The following MAGI1 variants were observed in gnomAD, a reference collection of about 807,000 sequenced individuals.
MAGI1 encodes membrane associated guanylate kinase, WW and PDZ domain containing 1.
A neutral mutation model predicts 139.9 loss-of-function variants in MAGI1; 58 were observed. That is an observed-to-expected ratio of 0.41 (90% confidence interval 0.34 to 0.52). MAGI1 has a LOEUF of 0.52. Ranked by LOEUF, MAGI1 falls within the 20% of genes least tolerant of loss-of-function variation. The pLI is 0.12. For missense variants in MAGI1, 1,874 were observed against 1,901.6 expected, an observed-to-expected ratio of 0.99 and a Z score of 0.27; for synonymous variants, 812 against 737.9, an observed-to-expected ratio of 1.10 and a Z score of -1.63.
At chr3:65,800,400 C>A (rs181715268) in intron 1 of MAGI1, among the ~76,000 whole-genome samples, 5 of 152,222 alleles carry the variant, frequency 3.3e-5, no homozygotes, top group East Asian at 1.9e-4. Flanking sequence ...TGAAGAGTAT[C>A]TTTTAGTAAT....
At chr3:65,455,165 A>G (rs1949309506) in intron 5 of MAGI1, among the ~76,000 whole-genome samples, 1 of 152,172 alleles carries the variant, frequency 6.6e-6, no homozygotes, top group Non-Finnish European at 1.5e-5. Flanking sequence ...AAAAGAAAGA[A>G]GAGAGATCCC....
chr3:66,012,631 T>C (rs1410261236), intron 1 of MAGI1, among the ~76,000 whole-genome samples: 1 of 151,808 alleles, frequency 6.6e-6, no homozygotes, highest in African/African-American at 2.4e-5. Flanking sequence ...CTGGGTATGG[T>C]GGTACACATC....
At chr3:65,546,038 T>A (rs2107934693) in intron 2 of MAGI1, among the ~76,000 whole-genome samples, 1 of 151,526 alleles carries the variant, frequency 6.6e-6, no homozygotes, top group Non-Finnish European at 1.5e-5. Context: ...AAAATAAATC[T>A]CCCTCTGTCC....
intron 1 of MAGI1, among the ~76,000 whole-genome samples, chr3:66,037,259 G>A (rs1191623575): frequency 6.6e-6 from 1 of 152,156 alleles, no homozygotes; most frequent in East Asian, 1.9e-4. Context: ...ACACAGAGCC[G>A]GGCATGTAGT....
intron 2 of MAGI1, among the ~76,000 whole-genome samples, chr3:65,505,165 T>A (rs1160458972): frequency 6.6e-6 from 1 of 152,158 alleles, no homozygotes; most frequent in Admixed American, 6.5e-5. Context: ...CAGGTAATAA[T>A]ACTTTCACTT....
chr3:65,674,420 C>T (rs1231495454), intron 1 of MAGI1, among the ~76,000 whole-genome samples: 2 of 152,134 alleles, frequency 1.3e-5, no homozygotes, highest in Non-Finnish European at 1.5e-5. Flanking sequence ...TTCCCAAGCC[C>T]ATGAGGTGCC....
intron 1 of MAGI1, among the ~76,000 whole-genome samples, chr3:65,624,385 A>C (rs539036973): frequency 2.0e-5 from 3 of 152,330 alleles, no homozygotes; most frequent in Non-Finnish European, 4.4e-5. Context: ...GTCCATCGAA[A>C]GGTGAATGAA....
chr3:65,366,380 T>C (rs903323539), intron 18 of MAGI1, among the ~76,000 whole-genome samples: 10 of 152,188 alleles, frequency 6.6e-5, no homozygotes, highest in African/African-American at 2.2e-4. Flanking sequence ...AATAACTAAA[T>C]CAAGTGAATT....
In MAGI1 at chr3:65,479,504, T is replaced by C. The variant is rs188437406; in HGVS notation, c.551-706A>G. ...GTGCTATGTGACTCTCACTTGTACA[T>C]AAATAGATTTTTACATTTTAATTTT... is the stretch of plus-strand genomic sequence containing the variant. On this transcript the variant is annotated intron_variant, in intron 3 of 22. Coordinates refer to ENST00000402939, the MANE Select transcript of MAGI1 (RefSeq NM_001033057.2). 7.2e-5 allele frequency among the ~76,000 whole-genome samples: 11 copies of C among 152,288 alleles called. No homozygotes were observed. The East Asian group carries it at 1.9e-3, about 27-fold the overall frequency.
chr3:65,553,052 T>G (rs1351507748), intron 2 of MAGI1, among the ~76,000 whole-genome samples: 1 of 152,034 alleles, frequency 6.6e-6, no homozygotes, highest in Non-Finnish European at 1.5e-5. Flanking sequence ...CTATTCCTGA[T>G]ACTCAGATGA....
At chr3:65,616,534 G>A (rs1294583429) in intron 2 of MAGI1, among the ~76,000 whole-genome samples, 1 of 152,156 alleles carries the variant, frequency 6.6e-6, no homozygotes, top group Non-Finnish European at 1.5e-5. Flanking sequence ...TACACAGTAG[G>A]TACCCAAAAG....
chr3:65,475,664 G>A (rs2107603184), intron 4 of MAGI1, among the ~76,000 whole-genome samples: 1 of 152,118 alleles, frequency 6.6e-6, no homozygotes, highest in East Asian at 1.9e-4. Context: ...CAATAATTTG[G>A]GCACAATTTG....
chr3:65,429,863 G>A lies in MAGI1; in HGVS notation c.1824C>T (p.Ala608=). The A allele has an allele frequency of 1.2e-6, 2 of 1,613,996 alleles. No individual in the cohort carries two copies. The highest frequency in any genetic ancestry group is 1.7e-6 in the Non-Finnish European group (2 of 1,179,960). Residue 608 remains alanine (A), a synonymous_variant, in exon 12 of 23, where the codon GCC becomes GCT. Transcript: ENST00000402939. The part of the protein sequence containing the change: ...KTGKVNGMKD[A]RPSSPADVAS... ...CCACGTCCGCTGGGCTGCTTGGCCT[G>A]GCATCCTTCATGCCATTGACTTTGC...
At chr3:65,787,352 A>C (rs2039467534) in intron 1 of MAGI1, among the ~76,000 whole-genome samples, 1 of 151,980 alleles carries the variant, frequency 6.6e-6, no homozygotes, top group South Asian at 2.1e-4. Flanking sequence ...CGGATCACCA[A>C]ATGATAAACT....
chr3:65,419,059 G>A (rs556401006), intron 12 of MAGI1, among the ~76,000 whole-genome samples: 97 of 152,216 alleles, frequency 6.4e-4, no homozygotes, highest in African/African-American at 2.2e-3. Context: ...CTTGAATGGT[G>A]ATGTGCCTCA....
intron 4 of MAGI1, among the ~76,000 whole-genome samples, 197 bp from the exon 5 acceptor site, chr3:65,470,681 C>T (rs567858689): frequency 4.5e-4 from 68 of 152,200 alleles, no homozygotes; most frequent in Non-Finnish European, 7.5e-4. Flanking sequence ...TAGAAAGCAT[C>T]GAAATGATCA....
chr3:65,703,395 TAA>T (rs144347801), intron 1 of MAGI1, among the ~76,000 whole-genome samples: 1 of 151,658 alleles, frequency 6.6e-6, no homozygotes, highest in Non-Finnish European at 1.5e-5. Flanking sequence ...AAAGACCCAA[TAA>T]AAAAAAATTG....
intron 1 of MAGI1, among the ~76,000 whole-genome samples, chr3:65,658,275 T>G (rs1036953407): frequency 1.3e-5 from 1 of 76,090 alleles, no homozygotes; most frequent in Non-Finnish European, 3.4e-5. Flanking sequence ...TAAATATCAC[T>G]GTTGACTTTT....
At chr3:65,406,435 G>T (rs933677052) in intron 12 of MAGI1, among the ~76,000 whole-genome samples, 1 of 152,116 alleles carries the variant, frequency 6.6e-6, no homozygotes, top group African/African-American at 2.4e-5. Flanking sequence ...GGCTTTGAAA[G>T]GGTGAATCCT....
Sources: allele counts gnomAD v4.1 joint callset (sites outside exome capture counted in the v4.1 genomes callset), GRCh38; gene constraint gnomAD v4.1.1; transcripts MANE v1.5; gene names NCBI Gene and HGNC (gene_info 2026-07-23, HGNC 2026-07-21).